The following IBTK variants were observed in gnomAD, a reference collection of about 807,000 sequenced individuals.
IBTK encodes the protein BTK-binding protein.
In IBTK, 83 loss-of-function variants were observed where a neutral mutation model predicts 154.9. The ratio of observed to expected loss-of-function variants is 0.54; its 90% CI spans 0.45 to 0.64. The LOEUF (loss-of-function observed/expected upper bound fraction) is 0.64. Ranked by LOEUF, IBTK falls within the 30% of genes least tolerant of loss-of-function variation. IBTK has a pLI of 0.00. For synonymous variants in IBTK, 515 were observed against 536.1 expected, an observed-to-expected ratio of 0.96 and a Z score of 0.54; for missense variants, 1,332 against 1,584.6, an observed-to-expected ratio of 0.84 and a Z score of 2.71.
chr6:82,202,019 C>G (rs969743028), intron 18 of IBTK, among the ~76,000 whole-genome samples: 30 of 152,146 alleles, frequency 2.0e-4, no homozygotes, highest in Non-Finnish European at 1.5e-5. Context: ...AGCCACCACA[C>G]CCGGCCTCAA....
At chr6:82,227,380 T>C in intron 4 of IBTK, 78 bp from the exon 5 acceptor site, 5 of 818,530 alleles carry the variant, frequency 6.1e-6, no homozygotes, top group Non-Finnish European at 9.2e-6. Flanking sequence ...AATAGAATAT[T>C]GTTAATTGTT....
chr6:82,211,624 G>A lies in IBTK; in HGVS notation c.2292-52C>T, dbSNP rs571213394. ...AGAGCAATTTCTTTACATATTTAGT[G>A]AAAAAGATTATAGGATTTGGCTTAA... On this transcript the variant is annotated intron_variant, in intron 13 of 28. Coordinates refer to ENST00000306270, the MANE Select transcript of IBTK (RefSeq NM_015525.4). 8.5e-6 allele frequency: 12 copies of A among 1,411,962 alleles called. No individual in the cohort carries two copies. In the South Asian group the frequency reaches 1.3e-4, roughly 15 times the overall value. The allele number at this position is 1,411,962 out of a possible 1,614,324, so 87.5% of individuals were successfully genotyped here. A position where few individuals can be genotyped will look rare whatever the true frequency, so the allele number is the denominator to read the frequency against.
At chr6:82,210,246 G>C (rs557385536) in intron 16 of IBTK, 51 of 151,452 alleles carry the variant, frequency 3.4e-4, no homozygotes, top group African/African-American at 1.2e-3. Context: ...AACTATCCCT[G>C]TTGTCAATTC....
chr6:82,172,747 T>TA (rs1302126611), intron 27 of IBTK: 2 of 420,600 alleles, frequency 4.8e-6, no homozygotes, highest in East Asian at 8.5e-5. Flanking sequence ...TCCAGTGACC[T>TA]ACGATGAGCG....
chr6:82,225,970 GA>G (rs973438593), intron 5 of IBTK, among the ~76,000 whole-genome samples: 2 of 148,042 alleles, frequency 1.4e-5, no homozygotes, highest in Non-Finnish European at 3.0e-5. Context: ...CGGGTACATT[GA>G]AAAAAAAACA....
In IBTK at chr6:82,217,960, C is replaced by A; in HGVS notation, c.1426G>T (p.Glu476Ter). Reference sequence around the variant, plus strand: ...CGTATTGTTCAATATATGAACTGACCTTTCTTTTCAGAACTCTTTCTTTTC... The same window carrying A: ...CGTATTGTTCAATATATGAACTGACATTTCTTTTCAGAACTCTTTCTTTTC... ...EEKRKSSEKK[E>*]ILSNLHNSSS... Residue 476 changes from glutamate to a stop codon, truncating the protein, a stop_gained and splice_region_variant, in exon 10 of 29, where the codon GAG becomes TAG. Coordinates refer to ENST00000306270, the MANE Select transcript of IBTK (RefSeq NM_015525.4). LOFTEE classifies it high-confidence loss of function. 1 of 1,584,976 alleles carries A rather than the reference C, an allele frequency of 6.3e-7. No individual in the cohort carries two copies. The highest frequency in any genetic ancestry group is 8.6e-7 in the Non-Finnish European group (1 of 1,167,452).
intron 22 of IBTK, 106 bp downstream of exon 22, chr6:82,196,192 C>A: frequency 1.1e-6 from 1 of 910,990 alleles, no homozygotes; most frequent in Non-Finnish European, 1.6e-6. Flanking sequence ...TATATACCAA[C>A]CTGGAAACTG....
rs143129050 is a variant in IBTK, at chr6:82,227,985, C to T, written c.544-683G>A. Among the ~76,000 whole-genome samples the T allele has an allele frequency of 5.6e-3, 856 of 152,084 alleles. 16 individuals are homozygous for T. The highest frequency in any genetic ancestry group is 0.056 in the East Asian group (290 of 5,184). On this transcript the variant is annotated intron_variant, in intron 4 of 28. Coordinates refer to ENST00000306270, the MANE Select transcript of IBTK (RefSeq NM_015525.4). ...TCACATACTACAGAAGACAAAGATA[C>T]TGAAACAGTTGAACTGCCTCAGCAG...
At position 82,225,558 on chromosome 6, in the gene IBTK, T is replaced by A. The variant is rs1207101781; in HGVS notation, c.744A>T (p.Gly248=). 12 of 1,612,706 alleles carry A rather than the reference T, an allele frequency of 7.4e-6. No homozygotes were observed. The highest frequency in any genetic ancestry group is 1.0e-5 in the Non-Finnish European group (12 of 1,178,968). ...TGTTTAGACCAAATGTATAAACACA[T>A]CCATCTTCAGTTAATACAACAGTAT... ...KDHTVVLTED[G]CVYTFGLNIF... Residue 248 remains glycine (G), a synonymous_variant, in exon 6 of 29, where the codon GGA becomes GGT. Transcript: ENST00000306270.
chr6:82,200,076 G>T, intron 21 of IBTK, 65 bp downstream of exon 21: 1 of 985,652 alleles, frequency 1.0e-6, no homozygotes, highest in African/African-American at 1.6e-5. Flanking sequence ...AGCCCCAGCA[G>T]ATGACATATG....
chr6:82,175,020 A>C (rs1026859375), intron 26 of IBTK: 3 of 456,034 alleles, frequency 6.6e-6, no homozygotes, highest in African/African-American at 6.0e-5. Context: ...CATTATGATA[A>C]AGCATCACAC....
intron 5 of IBTK, among the ~76,000 whole-genome samples, chr6:82,226,640 C>G (rs1770309755): frequency 6.7e-6 from 1 of 148,664 alleles, no homozygotes; most frequent in Non-Finnish European, 1.5e-5. Flanking sequence ...GAGTTTCACT[C>G]TTGTTGCCCA....
At chr6:82,188,248 A>AAC in intron 25 of IBTK, among the ~76,000 whole-genome samples, 1 of 152,320 alleles carries the variant, frequency 6.6e-6, no homozygotes, top group Non-Finnish European at 1.5e-5. Flanking sequence ...AATAAAATAA[A>AAC]ACACATATAG....
chr6:82,194,227 C>A (rs556412047), intron 23 of IBTK, among the ~76,000 whole-genome samples: 8 of 152,068 alleles, frequency 5.3e-5, no homozygotes, highest in Non-Finnish European at 8.8e-5. Flanking sequence ...AAGTTTCTCT[C>A]TATATACGTA....
chr6:82,199,734 A>T (rs1011820715), intron 21 of IBTK, among the ~76,000 whole-genome samples: 1 of 152,128 alleles, frequency 6.6e-6, no homozygotes, highest in Non-Finnish European at 1.5e-5. Flanking sequence ...TAAAACACAA[A>T]TTCCTTAGTT....
chr6:82,208,178 G>T (rs936096924), intron 16 of IBTK, among the ~76,000 whole-genome samples: 31 of 150,386 alleles, frequency 2.1e-4, no homozygotes, highest in African/African-American at 7.3e-4. Flanking sequence ...TAGCTTGATT[G>T]TGGTAATTAT....
At chr6:82,185,576 G>A (rs1005155130) in intron 25 of IBTK, among the ~76,000 whole-genome samples, 6 of 149,620 alleles carry the variant, frequency 4.0e-5, no homozygotes, top group Admixed American at 2.7e-4. Context: ...CAATGCATAC[G>A]AGATATGTTC....
chr6:82,180,722 CA>C (rs1410577757), intron 26 of IBTK, among the ~76,000 whole-genome samples: 2 of 152,118 alleles, frequency 1.3e-5, no homozygotes, highest in Admixed American at 1.3e-4. Context: ...ACAATAGTAA[CA>C]ATAAAAATAT....
At chr6:82,179,383 G>A (rs540136487) in intron 26 of IBTK, among the ~76,000 whole-genome samples, 1 of 152,258 alleles carries the variant, frequency 6.6e-6, no homozygotes, top group South Asian at 2.1e-4. Flanking sequence ...GAAGTTTGTG[G>A]TCTTTCTGAA....
Sources: allele counts gnomAD v4.1 joint callset (sites outside exome capture counted in the v4.1 genomes callset), GRCh38; gene constraint gnomAD v4.1.1; transcripts MANE v1.5; gene names NCBI Gene and HGNC (gene_info 2026-07-23, HGNC 2026-07-21).